Variants in LIPI observed in about 807,000 individuals in gnomAD.
The protein encoded by LIPI is lipase I.
In LIPI, 59 loss-of-function variants were observed where a neutral mutation model predicts 50.6. The ratio of observed to expected loss-of-function variants is 1.16; its 90% confidence interval spans 0.94 to 1.45. The LOEUF (loss-of-function observed/expected upper bound fraction) is 1.45. Ranked by LOEUF, LIPI falls within the 40% of genes most tolerant of loss-of-function variation. LIPI has a pLI of 0.00. For missense variants in LIPI, 586 were observed against 536.3 expected (o/e 1.09, Z -0.92); for synonymous variants, 203 against 178.2 (o/e 1.14, Z -1.11).
intron 9 of LIPI, among the ~76,000 whole-genome samples, chr21:14,133,552 T>C (rs2017376928): frequency 6.6e-6 from 1 of 152,174 alleles, no homozygotes; most frequent in East Asian, 1.9e-4. Flanking sequence ...GCATTTCCTT[T>C]AAAAATTGGA....
intron 9 of LIPI, among the ~76,000 whole-genome samples, chr21:14,112,855 A>ATGTTCC (rs1568827182): frequency 1.3e-5 from 2 of 152,174 alleles, no homozygotes; most frequent in Non-Finnish European, 2.9e-5. Flanking sequence ...GTTTCCTGCA[A>ATGTTCC]TGTAACTTAT....
intron 9 of LIPI, among the ~76,000 whole-genome samples, chr21:14,135,158 A>G (rs1005422530): frequency 6.6e-6 from 1 of 152,184 alleles, no homozygotes; most frequent in African/African-American, 2.4e-5. Context: ...AAGAAGACAT[A>G]CAAGCAACCA....
intron 9 of LIPI, among the ~76,000 whole-genome samples, chr21:14,135,653 A>G (rs186496139): frequency 6.6e-6 from 1 of 152,182 alleles, no homozygotes; most frequent in Non-Finnish European, 1.5e-5. Flanking sequence ...AGTAGCCTAA[A>G]CTTTAGTGTC....
At chr21:14,140,231 T>C (rs951082784) in intron 9 of LIPI, among the ~76,000 whole-genome samples, 1 of 152,126 alleles carries the variant, frequency 6.6e-6, no homozygotes, top group Non-Finnish European at 1.5e-5. Context: ...TAAAGAATTC[T>C]GGATATTTTC....
chr21:14,141,496 G>A (rs962895812), intron 9 of LIPI, among the ~76,000 whole-genome samples: 1 of 151,718 alleles, frequency 6.6e-6, no homozygotes, highest in African/African-American at 2.4e-5. Flanking sequence ...CTACCATTGA[G>A]AACATTGAGC....
At chr21:14,187,441 A>T (rs1475712489) in intron 2 of LIPI, among the ~76,000 whole-genome samples, 2 of 152,174 alleles carry the variant, frequency 1.3e-5, no homozygotes, top group Non-Finnish European at 2.9e-5. Flanking sequence ...AACATAAGGG[A>T]GTATCTCTCG....
intron 9 of LIPI, among the ~76,000 whole-genome samples, chr21:14,111,871 CA>C (rs2016428584): frequency 6.6e-6 from 1 of 151,798 alleles, no homozygotes; most frequent in Admixed American, 6.6e-5. Context: ...AAAATAGATT[CA>C]GGGGGTACAT....
At chr21:14,140,229 TC>T (rs1209647224) in intron 9 of LIPI, among the ~76,000 whole-genome samples, 6 of 152,070 alleles carry the variant, frequency 3.9e-5, no homozygotes, top group African/African-American at 1.4e-4. Context: ...GGTAAAGAAT[TC>T]TGGATATTTT....
intron 9 of LIPI, among the ~76,000 whole-genome samples, chr21:14,118,293 T>A (rs562468856): frequency 6.6e-6 from 1 of 152,142 alleles, no homozygotes; most frequent in South Asian, 2.1e-4. Flanking sequence ...AAAAATAGAC[T>A]TTATGGTAGA....
chr21:14,182,284 C>T (rs548470955), intron 3 of LIPI, among the ~76,000 whole-genome samples: 1 of 152,174 alleles, frequency 6.6e-6, no homozygotes, highest in East Asian at 1.9e-4. Context: ...TTTTTAGGTG[C>T]CAAATATAAT....
At chr21:14,134,082 A>G (rs983193853) in intron 9 of LIPI, among the ~76,000 whole-genome samples, 1 of 151,934 alleles carries the variant, frequency 6.6e-6, no homozygotes, top group Non-Finnish European at 1.5e-5. Flanking sequence ...TTTAAAAAAA[A>G]TAGTCAGGCA....
At chr21:14,183,406 T>C (rs2019343345) in intron 3 of LIPI, among the ~76,000 whole-genome samples, 1 of 152,170 alleles carries the variant, frequency 6.6e-6, no homozygotes, top group Non-Finnish European at 1.5e-5. Flanking sequence ...ATTCAGGACA[T>C]AGGCATGGGC....
intron 1 of LIPI, among the ~76,000 whole-genome samples, chr21:14,198,069 C>G (rs1373862552): frequency 6.6e-6 from 1 of 151,986 alleles, no homozygotes; most frequent in African/African-American, 2.4e-5. Context: ...CAAGCAAAGG[C>G]TGAGGGAATT....
At chr21:14,122,958 A>G (rs1055553888) in intron 9 of LIPI, among the ~76,000 whole-genome samples, 8 of 152,188 alleles carry the variant, frequency 5.3e-5, no homozygotes, top group African/African-American at 1.9e-4. Flanking sequence ...GATTCCACCA[A>G]TGTCAGCCAA....
chr21:14,117,519 C>CTT (rs1284948306), intron 9 of LIPI, among the ~76,000 whole-genome samples: 1 of 152,196 alleles, frequency 6.6e-6, no homozygotes, highest in African/African-American at 2.4e-5. Context: ...GGCTGCTAAA[C>CTT]TTTCTGAGAT....
At chr21:14,206,441 T>G (rs573334938) in intron 1 of LIPI, among the ~76,000 whole-genome samples, 1 of 152,268 alleles carries the variant, frequency 6.6e-6, no homozygotes, top group Non-Finnish European at 1.5e-5. Flanking sequence ...ATTATTGATT[T>G]TATGGTGTAT....
intron 1 of LIPI, among the ~76,000 whole-genome samples, chr21:14,193,223 A>T (rs77737444): frequency 1.4e-4 from 22 of 152,216 alleles, no homozygotes; most frequent in African/African-American, 4.8e-4. Flanking sequence ...GTAATCAAAA[A>T]GAAAACATCT....
chr21:14,170,451 T>G (rs2018855757), intron 4 of LIPI, among the ~76,000 whole-genome samples: 1 of 152,164 alleles, frequency 6.6e-6, no homozygotes, highest in African/African-American at 2.4e-5. Context: ...TGAACATTGA[T>G]GCAAAAATCC....
intron 1 of LIPI, chr21:14,206,974 T>C (rs200884478): frequency 7.1e-5 from 88 of 1,243,192 alleles, no homozygotes; most frequent in Admixed American, 1.7e-5. Context: ...TCATGTATAA[T>C]AAGAAGGAAG....
Sources: gnomAD v4.1 joint callset for allele counts (sites outside exome capture counted in the v4.1 genomes callset) on GRCh38, gnomAD v4.1.1 for gene constraint, MANE v1.5 for transcripts, NCBI Gene and HGNC (gene_info 2026-07-23, HGNC 2026-07-21) for gene names.